GUCY1A2: variants seen among roughly 807,000 people sequenced by gnomAD.
The protein encoded by GUCY1A2 is guanylate cyclase 1 soluble subunit alpha 2.
A neutral mutation model predicts 63.5 loss-of-function variants in GUCY1A2; 27 were observed. That is an observed-to-expected ratio of 0.43 (90% confidence interval 0.31 to 0.59). The LOEUF (loss-of-function observed/expected upper bound fraction) is 0.59, where lower values mean the gene tolerates loss of function less well. Ranked by LOEUF, GUCY1A2 falls within the 20% of genes least tolerant of loss-of-function variation. The probability of loss-of-function intolerance (pLI) is 0.11; values close to 1 mark genes in which losing one functional copy is unlikely to be tolerated. For synonymous variants in GUCY1A2, 364 were observed against 343.5 expected (o/e 1.06, Z -0.66); for missense variants, 768 against 913.3 (o/e 0.84, Z 2.05).
intron 6 of GUCY1A2, among the ~76,000 whole-genome samples, chr11:106,757,454 C>A (rs1174003081): frequency 6.6e-6 from 1 of 152,114 alleles, no homozygotes; most frequent in Non-Finnish European, 1.5e-5. Flanking sequence ...AATTTTCAAC[C>A]TTTTTTCATT....
rs72279704 is a variant in GUCY1A2 at position 106,808,260 on chromosome 11, A to ATG, written c.1692+1731_1692+1732dup. On this transcript the variant is annotated intron_variant, in intron 5 of 7. Transcript: ENST00000526355. The stretch of plus-strand genomic sequence containing the variant: ...AAAAGTTGTGAACTAGAATTATTAT[A>ATG]TGTGTGTGTGTATATATATATATTT... Among the ~76,000 whole-genome samples the ATG allele has an allele frequency of 3.0e-4, 45 of 152,084 alleles. 1 individual carries two copies. The highest frequency in any genetic ancestry group is 6.0e-4 in the Non-Finnish European group (41 of 67,998).
In GUCY1A2 at chr11:106,835,199, A is replaced by G. The variant is rs1197673098; in HGVS notation, c.1207-24721T>C. Among the ~76,000 whole-genome samples the G allele has an allele frequency of 2.0e-5, 3 of 152,016 alleles. No individual in the cohort carries two copies. In the East Asian group the frequency reaches 5.8e-4, roughly 29 times the overall value. On this transcript the variant is annotated intron_variant, in intron 4 of 7. Transcript: ENST00000526355. ...GTAAAGAATGACATCACAAAATACA[A>G]TGAGAGCCAATTAAAAACTGATGAG...
chr11:106,821,355 T>G (rs1470325846), intron 4 of GUCY1A2, among the ~76,000 whole-genome samples: 1 of 152,140 alleles, frequency 6.6e-6, no homozygotes, highest in Non-Finnish European at 1.5e-5. Context: ...TCCCACAGGG[T>G]GAAAATGATT....
Position 106,677,054 on chromosome 11 carries a change from T to G in GUCY1A2, c.*10495A>C, listed in dbSNP as rs1565253892. 2.8e-5 allele frequency: 6 copies of G among 213,714 alleles called. No homozygotes were observed. Among genetic ancestry groups the G allele is most frequent in the Admixed American group, 5.9e-5 (1 of 17,082 alleles). The allele number at this position is 213,714 out of a possible 1,614,324, so 13.2% of individuals were successfully genotyped here. A position where few individuals can be genotyped will look rare whatever the true frequency, so the allele number is the denominator to read the frequency against. ...CTACGTGCTCATCTTCTTTCCCCTT[T>G]TCTCACAAATCCACAAAGTGTTCAA... On this transcript the variant is annotated 3_prime_UTR_variant, in exon 8 of 8. Transcript: ENST00000526355.
At chr11:106,694,717 G>A (rs1320863849) in intron 7 of GUCY1A2, among the ~76,000 whole-genome samples, 2 of 152,168 alleles carry the variant, frequency 1.3e-5, no homozygotes, top group East Asian at 3.9e-4. Flanking sequence ...AGGCTGGTAT[G>A]GCTGTGGCCA....
At chr11:106,839,199 GC>G in intron 4 of GUCY1A2, among the ~76,000 whole-genome samples, 1 of 151,966 alleles carries the variant, frequency 6.6e-6, no homozygotes, top group Non-Finnish European at 1.5e-5. Context: ...CATATGGCTA[GC>G]CAGTTTTCCC....
At chr11:106,833,833 T>C (rs1447650028) in intron 4 of GUCY1A2, among the ~76,000 whole-genome samples, 1 of 152,036 alleles carries the variant, frequency 6.6e-6, no homozygotes, top group East Asian at 1.9e-4. Flanking sequence ...CAAAGCATAT[T>C]AGAATAAAGA....
At chr11:106,710,522 C>G (rs946655615) in intron 6 of GUCY1A2, among the ~76,000 whole-genome samples, 8 of 149,512 alleles carry the variant, frequency 5.4e-5, no homozygotes, top group Non-Finnish European at 8.9e-5. Context: ...TGGCTGAATT[C>G]CCCATTTAAC....
intron 3 of GUCY1A2, among the ~76,000 whole-genome samples, chr11:106,960,144 T>A (rs1313930373): frequency 1.3e-5 from 2 of 152,266 alleles, no homozygotes; most frequent in South Asian, 2.1e-4. Flanking sequence ...ATAGTTGGAC[T>A]GTTGGTTGTT....
rs146433912 is a variant in GUCY1A2, at chr11:106,794,169, T to C, written c.1692+15824A>G. Among the ~76,000 whole-genome samples, 426 of 151,244 alleles carry C rather than the reference T, an allele frequency of 2.8e-3. 3 individuals are homozygous for C. The highest frequency in any genetic ancestry group is 9.4e-3 in the African/African-American group (391 of 41,394). ...ATGTATGTAAAGAAATATTCAGCCATAATAAAGAACAAAATCCTGCCATTT... is the reference window on the plus strand; with the variant it reads ...ATGTATGTAAAGAAATATTCAGCCACAATAAAGAACAAAATCCTGCCATTT... On this transcript the variant is annotated intron_variant, in intron 5 of 7. Transcript: ENST00000526355.
chr11:106,708,844 C>T (rs1351568142), intron 6 of GUCY1A2, among the ~76,000 whole-genome samples, 178 bp from the exon 7 acceptor site: 4 of 151,146 alleles, frequency 2.6e-5, no homozygotes, highest in Non-Finnish European at 4.4e-5. Context: ...CATTATAGGG[C>T]TCAAAGAAGA....
chr11:106,714,158 G>A (rs187884068), intron 6 of GUCY1A2, among the ~76,000 whole-genome samples: 281 of 151,588 alleles, frequency 1.9e-3, no homozygotes, highest in African/African-American at 6.1e-3. Flanking sequence ...ATTATAACCC[G>A]AAAAATGCTG....
intron 3 of GUCY1A2, among the ~76,000 whole-genome samples, chr11:106,943,819 C>T (rs1237040156): frequency 2.0e-5 from 3 of 152,052 alleles, no homozygotes; most frequent in African/African-American, 4.8e-5. Context: ...GGTTGGGCTA[C>T]AACAGGGGTA....
intron 6 of GUCY1A2, among the ~76,000 whole-genome samples, chr11:106,724,923 G>A (rs2135366310): frequency 6.6e-6 from 1 of 152,086 alleles, no homozygotes; most frequent in Admixed American, 6.5e-5. Context: ...ACTCAGATAA[G>A]CATATCTCCA....
chr11:106,869,602 G>GA (rs1251924599), intron 4 of GUCY1A2, among the ~76,000 whole-genome samples: 2 of 152,020 alleles, frequency 1.3e-5, no homozygotes, highest in Non-Finnish European at 2.9e-5. Context: ...AAAAAGTCAG[G>GA]AGCAACAGGT....
chr11:106,795,389 C>T (rs1339780448), intron 5 of GUCY1A2, among the ~76,000 whole-genome samples: 4 of 152,122 alleles, frequency 2.6e-5, no homozygotes, highest in Admixed American at 6.6e-5. Context: ...GAGAGAAGCA[C>T]GAAGTTGCCC....
chr11:106,975,626 C>G lies in GUCY1A2; in HGVS notation c.487+2993G>C, dbSNP rs933336402. On this transcript the variant is annotated intron_variant, in intron 3 of 7. Transcript: ENST00000526355. ...AATATGGTGAAGAGATGGCAAGAAA[C>G]AGACCATAATCAATATCCGTAATTT... Among the ~76,000 whole-genome samples, 68 of 152,114 alleles carry G rather than the reference C, an allele frequency of 4.5e-4. 1 individual carries two copies. Among genetic ancestry groups the G allele is most frequent in the Non-Finnish European group, 9.3e-4 (63 of 68,012 alleles).
Position 106,728,940 on chromosome 11 carries a change from GTA to G in GUCY1A2, c.1837-20276_1837-20275del, listed in dbSNP as rs138153185. 5.1e-3 allele frequency among the ~76,000 whole-genome samples: 783 copies of G among 152,214 alleles called. 6 individuals carry two copies. Among genetic ancestry groups the G allele is most frequent in the African/African-American group, 0.018 (752 of 41,528 alleles). ...GACAATGTCTTCATATTTATGAAAA[GTA>G]TGATTGCCAAGGAGAAGATTTACTT... is the stretch of plus-strand genomic sequence containing the variant. On this transcript the variant is annotated intron_variant, in intron 6 of 7. Coordinates refer to ENST00000526355, the MANE Select transcript of GUCY1A2 (RefSeq NM_000855.3).
chr11:106,848,868 A>G (rs961583620), intron 4 of GUCY1A2, among the ~76,000 whole-genome samples: 10 of 151,646 alleles, frequency 6.6e-5, no homozygotes, highest in African/African-American at 2.4e-4. Flanking sequence ...CTTGTACCAA[A>G]TGAAGTATTT....
Sources: gnomAD v4.1 joint callset for allele counts (sites outside exome capture counted in the v4.1 genomes callset) on GRCh38, gnomAD v4.1.1 for gene constraint, MANE v1.5 for transcripts, NCBI Gene and HGNC (gene_info 2026-07-23, HGNC 2026-07-21) for gene names.